Variants in ZNF385D observed in about 807,000 individuals in gnomAD.
The protein encoded by ZNF385D is zinc finger protein 385D.
In ZNF385D, 15 loss-of-function variants were observed where a neutral mutation model predicts 35.8. The ratio of observed to expected loss-of-function variants is 0.42; its 90% CI spans 0.28 to 0.64. The LOEUF is 0.64. Among genes scored for constraint, ZNF385D ranks in the 30% least tolerant of loss-of-function variants. ZNF385D has a pLI of 0.23. For missense variants in ZNF385D, 474 were observed against 494.6 expected (o/e 0.96, Z 0.39); for synonymous variants, 212 against 186.8 (o/e 1.13, Z -1.10).
intron 2 of ZNF385D, among the ~76,000 whole-genome samples, chr3:21,584,057 T>G (rs2063743733): frequency 6.6e-6 from 1 of 152,054 alleles, no homozygotes; most frequent in East Asian, 1.9e-4. Context: ...CACTGCAACC[T>G]CCACCTCCCG....
intron 4 of ZNF385D, among the ~76,000 whole-genome samples, chr3:21,496,800 G>T (rs979786893): frequency 6.6e-6 from 1 of 151,674 alleles, no homozygotes; most frequent in Admixed American, 6.6e-5. Context: ...AGACAAAACT[G>T]CATGATTATT....
At chr3:22,005,272 AG>A (rs1559841036) in intron 3 of ZNF385D, among the ~76,000 whole-genome samples, 1 of 152,018 alleles carries the variant, frequency 6.6e-6, no homozygotes, top group Non-Finnish European at 1.5e-5. Flanking sequence ...ATTATTAAAA[AG>A]ATGAAAAAAA....
At chr3:22,263,748 A>C (rs538905637) in intron 2 of ZNF385D, among the ~76,000 whole-genome samples, 45 of 152,126 alleles carry the variant, frequency 3.0e-4, no homozygotes, top group Non-Finnish European at 1.5e-5. Flanking sequence ...TTTTTATGCC[A>C]CAAGACATTT....
intron 3 of ZNF385D, among the ~76,000 whole-genome samples, chr3:21,946,053 C>T (rs572846628): frequency 6.6e-6 from 1 of 152,276 alleles, no homozygotes; most frequent in South Asian, 2.1e-4. Context: ...GCTGATTTAG[C>T]TGACCGCTGC....
intron 2 of ZNF385D, among the ~76,000 whole-genome samples, chr3:22,284,997 T>C (rs1339678982): frequency 6.6e-6 from 1 of 152,108 alleles, no homozygotes; most frequent in East Asian, 1.9e-4. Flanking sequence ...GAGAAAAAGT[T>C]ACTGAATGAA....
At chr3:22,102,345 C>G (rs36079445) in intron 3 of ZNF385D, among the ~76,000 whole-genome samples, 16,232 of 151,880 alleles carry the variant, frequency 0.11, 992 homozygotes, top group Non-Finnish European at 0.15. Flanking sequence ...TGTGAAGAAC[C>G]AAAAACAGAG....
chr3:21,581,870 G>GCTGATTC lies in ZNF385D; in HGVS notation c.166-17193_166-17187dup, dbSNP rs567111918. On this transcript the variant is annotated intron_variant, in intron 2 of 7. Coordinates refer to ENST00000281523, the MANE Select transcript of ZNF385D (RefSeq NM_024697.3). ...TACAGAGCCAGGGCCCCAAAACAAT[G>GCTGATTC]CTGATTCAACTCGATGTTTAAAATC... Among the ~76,000 whole-genome samples the GCTGATTC allele has an allele frequency of 1.1e-3, 175 of 152,252 alleles. 1 individual carries two copies. The highest frequency in any genetic ancestry group is 5.0e-3 in the Admixed American group (77 of 15,286).
intron 3 of ZNF385D, among the ~76,000 whole-genome samples, chr3:22,083,961 A>T (rs193006805): frequency 8.4e-4 from 128 of 152,328 alleles, no homozygotes; most frequent in East Asian, 1.9e-4. Context: ...TTCAACCCAT[A>T]ATTTCATATC....
At chr3:21,901,185 TTTAAGGTCATAGAACGGTTAAATCC>T (rs1327826400) in intron 3 of ZNF385D, among the ~76,000 whole-genome samples, 1 of 152,194 alleles carries the variant, frequency 6.6e-6, no homozygotes, top group Non-Finnish European at 1.5e-5. Flanking sequence ...AAAGGCTATG[TTTAAGGTCATAGAACGGTTAAATCC>T]TTGTGATCCC....
intron 3 of ZNF385D, among the ~76,000 whole-genome samples, chr3:21,756,740 CAT>C (rs1386032672): frequency 6.6e-6 from 1 of 152,120 alleles, no homozygotes; most frequent in African/African-American, 2.4e-5. Flanking sequence ...TATGTGTTGA[CAT>C]ATGAATGACA....
At chr3:22,046,225 C>G (rs1698999635) in intron 3 of ZNF385D, among the ~76,000 whole-genome samples, 1 of 152,054 alleles carries the variant, frequency 6.6e-6, no homozygotes, top group Non-Finnish European at 1.5e-5. Flanking sequence ...AAAGCACCAA[C>G]ACACATTTTT....
intron 3 of ZNF385D, among the ~76,000 whole-genome samples, chr3:22,080,175 G>T (rs1700676339): frequency 6.6e-6 from 1 of 151,912 alleles, no homozygotes; most frequent in Non-Finnish European, 1.5e-5. Context: ...TAATAATATG[G>T]GTCCTGAAAG....
intron 3 of ZNF385D, among the ~76,000 whole-genome samples, chr3:21,531,046 A>G (rs914952914): frequency 2.6e-5 from 4 of 152,206 alleles, no homozygotes; most frequent in African/African-American, 9.6e-5. Flanking sequence ...ATTTTAAAAC[A>G]TTAAGTTCAT....
At chr3:22,030,856 C>A (rs969328747) in intron 3 of ZNF385D, among the ~76,000 whole-genome samples, 21 of 152,110 alleles carry the variant, frequency 1.4e-4, no homozygotes, top group African/African-American at 4.1e-4. Context: ...CCTGTAAAAT[C>A]AAAAACAAGT....
intron 3 of ZNF385D, among the ~76,000 whole-genome samples, chr3:21,922,111 C>A (rs887937215): frequency 1.3e-5 from 2 of 151,734 alleles, no homozygotes; most frequent in African/African-American, 2.4e-5. Flanking sequence ...AGGAGGAATA[C>A]AAAACACTGC....
chr3:21,795,020 G>T (rs938636735), intron 3 of ZNF385D, among the ~76,000 whole-genome samples: 11 of 152,240 alleles, frequency 7.2e-5, no homozygotes, highest in African/African-American at 2.4e-4. Flanking sequence ...GTCAGTGTCC[G>T]CTGTAGGTTC....
chr3:21,524,470 T>G (rs192834989), intron 3 of ZNF385D, among the ~76,000 whole-genome samples: 189 of 152,322 alleles, frequency 1.2e-3, no homozygotes, highest in African/African-American at 4.3e-3. Context: ...AAAAAGTCTT[T>G]AAGTCTTTTC....
chr3:21,884,813 A>T (rs1698459152), intron 3 of ZNF385D, among the ~76,000 whole-genome samples: 1 of 152,092 alleles, frequency 6.6e-6, no homozygotes, highest in South Asian at 2.1e-4. Context: ...ACACGGTGGA[A>T]ATTGGCAAAC....
chr3:21,611,219 G>A lies in ZNF385D; in HGVS notation c.166-46535C>T, dbSNP rs796707144. Among the ~76,000 whole-genome samples the A allele has an allele frequency of 4.6e-5, 7 of 152,296 alleles. No homozygotes were observed. The East Asian group carries it at 9.7e-4, about 21-fold the overall frequency. Reference sequence around the variant, plus strand: ...TGAACAAGAAAGGCTACACAAATCAGAATACCAGAAGATGGGGTTCATGGG... The same window carrying A: ...TGAACAAGAAAGGCTACACAAATCAAAATACCAGAAGATGGGGTTCATGGG... On this transcript the variant is annotated intron_variant, in intron 2 of 7. Transcript: ENST00000281523.
Sources: gnomAD v4.1 joint callset for allele counts (sites outside exome capture counted in the v4.1 genomes callset) on GRCh38, gnomAD v4.1.1 for gene constraint, MANE v1.5 for transcripts, NCBI Gene and HGNC (gene_info 2026-07-23, HGNC 2026-07-21) for gene names.